PRSS12: variants seen among roughly 807,000 people sequenced by gnomAD.
PRSS12 encodes the protein neurotrypsin.
In PRSS12, 85 loss-of-function variants were observed where a neutral mutation model predicts 104.4. The ratio of observed to expected loss-of-function variants is 0.81; its 90% confidence interval spans 0.68 to 0.98. The LOEUF is 0.98. Ranked by LOEUF, PRSS12 falls within the 50% of genes least tolerant of loss-of-function variation. The pLI, the probability that PRSS12 is intolerant of heterozygous loss-of-function variation, is 0.00. For missense variants in PRSS12, 1,141 were observed against 1,139.2 expected (o/e 1.00, Z -0.02); for synonymous variants, 454 against 425.2 (o/e 1.07, Z -0.83).
intron 1 of PRSS12, among the ~76,000 whole-genome samples, chr4:118,347,257 T>C (rs936865997): frequency 1.3e-5 from 2 of 152,184 alleles, no homozygotes; most frequent in African/African-American, 4.8e-5. Flanking sequence ...AGAACCAAGA[T>C]GTAGCCCTTA....
intron 1 of PRSS12, among the ~76,000 whole-genome samples, chr4:118,345,039 CT>C (rs1240460026): frequency 6.6e-6 from 1 of 152,170 alleles, no homozygotes; most frequent in Non-Finnish European, 1.5e-5. Context: ...TATTATTCTT[CT>C]GACACCTCAC....
chr4:118,340,804 T>C (rs999544705), intron 1 of PRSS12, among the ~76,000 whole-genome samples: 3 of 152,200 alleles, frequency 2.0e-5, no homozygotes, highest in African/African-American at 7.2e-5. Flanking sequence ...CATTTTTATG[T>C]TCAGGTTTAA....
chr4:118,311,014 G>T (rs1308726499), intron 7 of PRSS12, among the ~76,000 whole-genome samples: 1 of 152,020 alleles, frequency 6.6e-6, no homozygotes, highest in African/African-American at 2.4e-5. Context: ...TTGCGCCACT[G>T]CACTCCAGCC....
At chr4:118,329,878 T>C (rs1310607252) in intron 4 of PRSS12, among the ~76,000 whole-genome samples, 1 of 152,178 alleles carries the variant, frequency 6.6e-6, no homozygotes, top group Non-Finnish European at 1.5e-5. Context: ...CCCATAATCA[T>C]ATGCTATGCT....
chr4:118,295,981 T>C, intron 9 of PRSS12, 125 bp from the exon 10 acceptor site: 1 of 853,530 alleles, frequency 1.2e-6, no homozygotes, highest in Non-Finnish European at 1.9e-6. Flanking sequence ...CAAATTAAAA[T>C]TTTTCTTGTA....
intron 4 of PRSS12, 145 bp downstream of exon 4, chr4:118,331,571 G>T: frequency 4.7e-6 from 5 of 1,074,570 alleles, no homozygotes; most frequent in Non-Finnish European, 6.9e-6. Flanking sequence ...TCTTCAGGAA[G>T]CCTACAGCCC....
rs1180664928 is a variant in PRSS12, at chr4:118,338,320, G to C, written c.503-6C>G. ...GCCACGAAGTCGTACTGATCCTAAA[G>C]TGGAAAAGAATCCCAAAACCCTTTA... On this transcript the variant is annotated splice_region_variant and splice_polypyrimidine_tract_variant and intron_variant, in intron 1 of 12. Coordinates refer to ENST00000296498, the MANE Select transcript of PRSS12 (RefSeq NM_003619.4). The C allele has an allele frequency of 6.2e-7, 1 of 1,613,886 alleles. No homozygotes were observed. The highest frequency in any genetic ancestry group is 8.5e-7 in the Non-Finnish European group (1 of 1,179,878).
chr4:118,347,823 C>T (rs1189478459), intron 1 of PRSS12, among the ~76,000 whole-genome samples: 3 of 152,304 alleles, frequency 2.0e-5, no homozygotes, highest in South Asian at 2.1e-4. Flanking sequence ...TAAAGTGCTG[C>T]GATTTCAGGC....
At position 118,352,831 on chromosome 4, in the gene PRSS12, C is replaced by T; in HGVS notation, c.-111G>A. ...CGCGTCCCTCGAATCCCCCAGCCCC[C>T]TCCCGCCCCCGCACGCGGACCGCCC... On this transcript the variant is annotated 5_prime_UTR_variant, in exon 1 of 13. Coordinates refer to ENST00000296498, the MANE Select transcript of PRSS12 (RefSeq NM_003619.4). 1.3e-6 allele frequency: 2 copies of T among 1,501,010 alleles called. No individual in the cohort carries two copies. The highest frequency in any genetic ancestry group is 1.8e-6 in the Non-Finnish European group (2 of 1,126,642). The allele number at this position is 1,501,010 out of a possible 1,614,324, so 93.0% of individuals were successfully genotyped here. A position where few individuals can be genotyped will look rare whatever the true frequency, so the allele number is the denominator to read the frequency against.
At position 118,283,003 on chromosome 4, in the gene PRSS12, C is replaced by G. The variant is rs756157220; in HGVS notation, c.2148G>C (p.Arg716=). 2.5e-6 allele frequency: 4 copies of G among 1,614,108 alleles called. No individual in the cohort carries two copies. Among genetic ancestry groups the G allele is most frequent in the Non-Finnish European group, 2.5e-6 (3 of 1,180,028 alleles). ...EIGVQQIVIH[R]EYRPDRSDYD... is the part of the protein sequence containing the mutation. The stretch of plus-strand genomic sequence containing the variant: ...AATCACTGCGGTCGGGTCGATACTC[C>G]CGATGAATCACAATCTGTTGAACTC... Residue 716 remains arginine, a synonymous_variant, in exon 12 of 13, where the codon CGG becomes CGC. Transcript: ENST00000296498.
Position 118,294,943 on chromosome 4 carries a change from T to C in PRSS12, c.2035A>G (p.Lys679Glu). The change falls in exon 11 of 13, where the codon AAG (lysine) becomes GAG (glutamate). Residue 679 changes from lysine (K) to glutamate (E), a missense_variant. Physicochemically the swap from Lys to Glu is moderately conservative, Grantham distance 56 (BLOSUM62 1). Coordinates refer to ENST00000296498, the MANE Select transcript of PRSS12 (RefSeq NM_003619.4). ...CWVLTAAHCF[K>E]RYGNSTRSYA... ...TTTGGGAAGGTGGACACATACCTCTTGAAACAGTGTGCTGCTGTGAGGACC... is the reference window on the plus strand; with the variant it reads ...TTTGGGAAGGTGGACACATACCTCTCGAAACAGTGTGCTGCTGTGAGGACC... 1 of 1,613,972 alleles carries C rather than the reference T, an allele frequency of 6.2e-7. No homozygotes were observed. The highest frequency in any genetic ancestry group is 8.5e-7 in the Non-Finnish European group (1 of 1,179,960).
intron 1 of PRSS12, among the ~76,000 whole-genome samples, chr4:118,349,787 G>A (rs1724447219): frequency 6.6e-6 from 1 of 152,098 alleles, no homozygotes; most frequent in South Asian, 2.1e-4. Flanking sequence ...TGGATGGCCT[G>A]AGGTCAGGAA....
In PRSS12 at chr4:118,280,280, A is replaced by G. The variant is rs1742807830; in HGVS notation, c.*1656T>C. The G allele has an allele frequency of 6.6e-6, 1 of 152,236 alleles. No homozygotes were observed. 9.4% of individuals were successfully genotyped at this position (152,236 alleles called of 1,614,324 possible). ...GCAGCCTGTGAGAAAGTTTCAATAGACATTTTTCTCACCTATATTGCACGT... is the reference window on the plus strand; with the variant it reads ...GCAGCCTGTGAGAAAGTTTCAATAGGCATTTTTCTCACCTATATTGCACGT... On this transcript the variant is annotated 3_prime_UTR_variant, in exon 13 of 13. Transcript: ENST00000296498.
Position 118,298,860 on chromosome 4 carries a change from T to G in PRSS12, c.1710A>C (p.Thr570=), listed in dbSNP as rs151322535. ...GPIHVDNVKC[T]GNERSLADCI... Reference sequence around the variant, plus strand: ...AGTCAGCCAAGGACCTCTCATTTCCTGTGCACTTCACATTATCCACATGGA... The same window carrying G: ...AGTCAGCCAAGGACCTCTCATTTCCGGTGCACTTCACATTATCCACATGGA... Residue 570 remains threonine, a synonymous_variant, in exon 9 of 13, where the codon ACA becomes ACC. Transcript: ENST00000296498. 18 of 1,614,090 alleles carry G rather than the reference T, an allele frequency of 1.1e-5. No homozygotes were observed. Among genetic ancestry groups the G allele is most frequent in the African/African-American group, 2.7e-5 (2 of 74,928 alleles).
intron 1 of PRSS12, among the ~76,000 whole-genome samples, chr4:118,347,969 C>T (rs148710339): frequency 1.3e-3 from 194 of 152,308 alleles, no homozygotes; most frequent in African/African-American, 3.8e-3. Flanking sequence ...GTAGCTCATG[C>T]CTGTAATTCC....
At chr4:118,298,971 A>G (rs1001369449) in intron 8 of PRSS12, 33 bp from the exon 9 acceptor site, 5 of 1,603,884 alleles carry the variant, frequency 3.1e-6, no homozygotes, top group Admixed American at 1.7e-5. Context: ...CATGTGAAGA[A>G]TCAGTCAGTC....
At chr4:118,295,170 A>G (rs1383944057) in intron 10 of PRSS12, 109 bp from the exon 11 acceptor site, 4 of 1,407,694 alleles carry the variant, frequency 2.8e-6, no homozygotes, top group Non-Finnish European at 3.9e-6. Flanking sequence ...CAGGTGGGGG[A>G]AAAGGAAAGC....
intron 11 of PRSS12, among the ~76,000 whole-genome samples, chr4:118,291,735 T>C (rs1400169119): frequency 6.6e-6 from 1 of 152,146 alleles, no homozygotes; most frequent in African/African-American, 2.4e-5. Context: ...GGTTCTTCAC[T>C]GCTTTGTCTG....
At chr4:118,325,274 G>A (rs1723742678) in intron 4 of PRSS12, among the ~76,000 whole-genome samples, 1 of 149,882 alleles carries the variant, frequency 6.7e-6, no homozygotes, top group Non-Finnish European at 1.5e-5. Flanking sequence ...CTACCTATGG[G>A]TACTATGCTC....
Sources: allele counts gnomAD v4.1 joint callset (sites outside exome capture counted in the v4.1 genomes callset), GRCh38; gene constraint gnomAD v4.1.1; transcripts MANE v1.5; gene names NCBI Gene and HGNC (gene_info 2026-07-23, HGNC 2026-07-21).